The following COBL variants were observed in gnomAD, a reference collection of about 807,000 sequenced individuals.
COBL encodes protein cordon-bleu.
COBL carries 51 observed loss-of-function variants against 98.8 expected under a neutral mutation model. The ratio of observed to expected loss-of-function variants is 0.52; its 90% CI spans 0.41 to 0.65. COBL has a LOEUF of 0.65. Ranked by LOEUF, COBL falls within the 30% of genes least tolerant of loss-of-function variation. The pLI is 0.00. For missense variants in COBL, 1,617 were observed against 1,617.5 expected, an observed-to-expected ratio of 1.00 and a Z score of 0.01; for synonymous variants, 634 against 651.7, an observed-to-expected ratio of 0.97 and a Z score of 0.41.
chr7:51,261,123 G>T (rs1797675698), intron 1 of COBL, among the ~76,000 whole-genome samples: 1 of 152,154 alleles, frequency 6.6e-6, no homozygotes, highest in Admixed American at 6.5e-5. Flanking sequence ...TGCACATGCT[G>T]CCGTACACAG....
At chr7:51,277,447 C>T (rs1021176917) in intron 1 of COBL, among the ~76,000 whole-genome samples, 2 of 152,014 alleles carry the variant, frequency 1.3e-5, no homozygotes, top group Non-Finnish European at 2.9e-5. Context: ...TTTGTTATTC[C>T]AAAATAAAAA....
intron 7 of COBL, among the ~76,000 whole-genome samples, chr7:51,066,866 C>T (rs773397287): frequency 1.3e-5 from 2 of 152,148 alleles, no homozygotes; most frequent in Non-Finnish European, 2.9e-5. Flanking sequence ...AGGGCAGAGA[C>T]GAAAGATGAG....
intron 2 of COBL, among the ~76,000 whole-genome samples, chr7:51,215,408 C>T (rs527859454): frequency 6.6e-6 from 1 of 152,094 alleles, no homozygotes; most frequent in African/African-American, 2.4e-5. Context: ...TAAGCCCACA[C>T]AAATAAAGCC....
rs71021761 is a variant in COBL at position 51,234,702 on chromosome 7, GAAAA to G, written c.42-14762_42-14759del. On this transcript the variant is annotated intron_variant, in intron 1 of 12. Transcript: ENST00000265136. Reference sequence around the variant, plus strand: ...GGTGACAGATCAAGGCCCTGTTTCAGAAAAAAAAAAAAAAAAAGAAAGAAAGAAA... The same window carrying G: ...GGTGACAGATCAAGGCCCTGTTTCAGAAAAAAAAAAAAAGAAAGAAAGAAA... Among the ~76,000 whole-genome samples, 9 of 114,040 alleles carry G rather than the reference GAAAA, an allele frequency of 7.9e-5. No individual in the cohort carries two copies. In the South Asian group the frequency reaches 2.8e-3, roughly 35 times the overall value. 74.8% of individuals were successfully genotyped at this position (114,040 alleles called of 152,430 possible).
At chr7:51,208,549 A>C (rs1792056818) in intron 2 of COBL, among the ~76,000 whole-genome samples, 1 of 152,056 alleles carries the variant, frequency 6.6e-6, no homozygotes, top group Non-Finnish European at 1.5e-5. Context: ...CCACCACCCC[A>C]TCTGGGAGGC....
At chr7:51,097,262 A>G (rs1795350585) in intron 6 of COBL, among the ~76,000 whole-genome samples, 2 of 152,240 alleles carry the variant, frequency 1.3e-5, no homozygotes. Flanking sequence ...TATGATTTAA[A>G]AAAACACTCA....
chr7:51,141,250 T>C (rs187736575), intron 5 of COBL, among the ~76,000 whole-genome samples: 58 of 152,272 alleles, frequency 3.8e-4, no homozygotes, highest in African/African-American at 1.4e-3. Flanking sequence ...TCTTTTGACA[T>C]GGCTATTGAG....
intron 7 of COBL, among the ~76,000 whole-genome samples, chr7:51,056,944 C>A (rs115722755): frequency 1.0e-3 from 152 of 152,134 alleles, no homozygotes; most frequent in African/African-American, 3.4e-3. Flanking sequence ...TGAACAATTG[C>A]AGAAATAAAC....
At chr7:51,169,181 C>T (rs1342174919) in intron 5 of COBL, among the ~76,000 whole-genome samples, 1 of 152,144 alleles carries the variant, frequency 6.6e-6, no homozygotes, top group Non-Finnish European at 1.5e-5. Context: ...CCAGACATTC[C>T]TTTCTACTGA....
Position 51,205,675 on chromosome 7 carries a change from T to G in COBL, c.246-12086A>C, listed in dbSNP as rs1414551379. On this transcript the variant is annotated intron_variant, in intron 2 of 12. Transcript: ENST00000265136. Reference sequence around the variant, plus strand: ...TTTTTTTTTTTTACAGATATGACACTAAAAGCATAGAGAGCAAAAGCAAAA... The same window carrying G: ...TTTTTTTTTTTTACAGATATGACACGAAAAGCATAGAGAGCAAAAGCAAAA... 1.0e-4 allele frequency among the ~76,000 whole-genome samples: 15 copies of G among 149,220 alleles called. 1 individual carries two copies. Among genetic ancestry groups the G allele is most frequent in the Admixed American group, 1.0e-3 (15 of 15,016 alleles).
intron 1 of COBL, among the ~76,000 whole-genome samples, chr7:51,242,842 G>A (rs1795920928): frequency 6.6e-6 from 1 of 152,162 alleles, no homozygotes; most frequent in African/African-American, 2.4e-5. Flanking sequence ...CCTGTCGAAT[G>A]CCAACATTAT....
At chr7:51,290,232 G>A (rs1314234734) in intron 1 of COBL, among the ~76,000 whole-genome samples, 1 of 152,128 alleles carries the variant, frequency 6.6e-6, no homozygotes, top group African/African-American at 2.4e-5. Flanking sequence ...CAATGCCAGT[G>A]GCATAAATTA....
intron 7 of COBL, among the ~76,000 whole-genome samples, chr7:51,046,009 G>A (rs1053916138): frequency 2.0e-5 from 3 of 152,220 alleles, no homozygotes; most frequent in African/African-American, 7.2e-5. Flanking sequence ...GGCCCGTGTG[G>A]CCTGGCCACA....
At chr7:51,160,072 AG>A (rs1786635988) in intron 5 of COBL, among the ~76,000 whole-genome samples, 2 of 152,060 alleles carry the variant, frequency 1.3e-5, no homozygotes, top group Admixed American at 1.3e-4. Flanking sequence ...TTGTATTTTT[AG>A]TACAGATGGG....
Position 51,027,984 on chromosome 7 carries a change from T to G in COBL, c.3112A>C (p.Asn1038His), listed in dbSNP as rs1344332418. 2 of 1,604,528 alleles carry G rather than the reference T, an allele frequency of 1.2e-6. No homozygotes were observed. The highest frequency in any genetic ancestry group is 2.7e-5 in the African/African-American group (2 of 74,714). Reference protein sequence around the residue: ...DTQACSRELVNGSVRAPGHGE... With the variant: ...DTQACSRELVHGSVRAPGHGE... ...TGGCCTGGGGCGCGCACAGAGCCAT[T>G]GACCAGCTCCCTGCTGCAGGCCTGA... Residue 1038 changes from asparagine to histidine, a missense_variant, in exon 10 of 13, where the codon AAT (asparagine) becomes CAT (histidine). Coordinates refer to ENST00000265136, the MANE Select transcript of COBL (RefSeq NM_015198.5).
chr7:51,031,385 A>C (rs1788127898), intron 8 of COBL: 1 of 157,062 alleles, frequency 6.4e-6, no homozygotes, highest in Non-Finnish European at 1.4e-5. Flanking sequence ...CTGGAGGCCA[A>C]GCATGTGCAC....
At chr7:51,137,099 C>A (rs1338700960) in intron 5 of COBL, among the ~76,000 whole-genome samples, 1 of 152,182 alleles carries the variant, frequency 6.6e-6, no homozygotes. Context: ...TAACTTCAAA[C>A]TGAAAACAAG....
intron 5 of COBL, among the ~76,000 whole-genome samples, chr7:51,167,714 T>C (rs1787464916): frequency 6.6e-6 from 1 of 152,174 alleles, no homozygotes; most frequent in African/African-American, 2.4e-5. Context: ...AGCATGGTAC[T>C]GGCATAAAAA....
intron 7 of COBL, among the ~76,000 whole-genome samples, chr7:51,079,820 C>T (rs1354520172): frequency 6.6e-6 from 1 of 152,244 alleles, no homozygotes; most frequent in African/African-American, 2.4e-5. Flanking sequence ...AAGGTGGTTG[C>T]TCCACCTCTT....
Sources: gnomAD v4.1 joint callset for allele counts (sites outside exome capture counted in the v4.1 genomes callset) on GRCh38, gnomAD v4.1.1 for gene constraint, MANE v1.5 for transcripts, NCBI Gene and HGNC (gene_info 2026-07-23, HGNC 2026-07-21) for gene names.